The following CDKAL1 variants were observed in gnomAD, a reference collection of about 807,000 sequenced individuals.
The protein encoded by CDKAL1 is CDKAL1 threonylcarbamoyladenosine tRNA methylthiotransferase.
Under a neutral mutation model 68.2 loss-of-function variants are expected in CDKAL1, and 32 were observed. The observed-to-expected ratio is 0.47, with a 90% CI of 0.35 to 0.63. The LOEUF is 0.63. Ranked by LOEUF, CDKAL1 falls within the 30% of genes least tolerant of loss-of-function variation. The pLI, the probability that CDKAL1 is intolerant of heterozygous loss-of-function variation, is 0.00. For synonymous variants in CDKAL1, 234 were observed against 244.3 expected (o/e 0.96, Z 0.39); for missense variants, 606 against 696.7 (o/e 0.87, Z 1.47).
intron 6 of CDKAL1, among the ~76,000 whole-genome samples, chr6:20,757,605 A>AT (rs1246534251): frequency 9.9e-5 from 15 of 152,202 alleles, no homozygotes; most frequent in African/African-American, 3.4e-4. Flanking sequence ...ATAAAACTAT[A>AT]GAACAGACCT....
At chr6:20,634,153 T>C (rs762263893) in intron 4 of CDKAL1, among the ~76,000 whole-genome samples, 1 of 152,202 alleles carries the variant, frequency 6.6e-6, no homozygotes, top group Non-Finnish European at 1.5e-5. Context: ...AAAGCAGATG[T>C]TTTGGCAGTT....
At chr6:20,790,768 C>T (rs1197288519) in intron 8 of CDKAL1, among the ~76,000 whole-genome samples, 1 of 152,156 alleles carries the variant, frequency 6.6e-6, no homozygotes, top group Non-Finnish European at 1.5e-5. Context: ...ACAGGGGATG[C>T]AGGGGGTGGT....
intron 9 of CDKAL1, among the ~76,000 whole-genome samples, chr6:20,950,486 C>A (rs1328372744): frequency 6.6e-6 from 1 of 152,044 alleles, no homozygotes; most frequent in African/African-American, 2.4e-5. Flanking sequence ...ATTTAATATG[C>A]ACTGTGACCC....
At chr6:21,175,388 C>G (rs1386799662) in intron 13 of CDKAL1, among the ~76,000 whole-genome samples, 1 of 152,104 alleles carries the variant, frequency 6.6e-6, no homozygotes, top group African/African-American at 2.4e-5. Flanking sequence ...GTTAAATTTG[C>G]TTTCCAAATA....
At chr6:20,675,169 G>C (rs1354196088) in intron 5 of CDKAL1, among the ~76,000 whole-genome samples, 1 of 151,802 alleles carries the variant, frequency 6.6e-6, no homozygotes, top group Non-Finnish European at 1.5e-5. Context: ...TTTTTGAACT[G>C]TCTTTTTCTA....
At chr6:20,729,579 C>T (rs1164946828) in intron 5 of CDKAL1, among the ~76,000 whole-genome samples, 1 of 152,178 alleles carries the variant, frequency 6.6e-6, no homozygotes, top group Non-Finnish European at 1.5e-5. Context: ...GTACTTACTG[C>T]GTGGCAGCAC....
chr6:20,984,811 CGG>C (rs59755973), intron 10 of CDKAL1, among the ~76,000 whole-genome samples: 2 of 92,286 alleles, frequency 2.2e-5, no homozygotes, highest in Non-Finnish European at 4.9e-5. Context: ...GGCACAGTAA[CGG>C]GGGGGGGTGG....
At chr6:20,961,202 A>T in intron 10 of CDKAL1, among the ~76,000 whole-genome samples, 1 of 152,184 alleles carries the variant, frequency 6.6e-6, no homozygotes, top group Non-Finnish European at 1.5e-5. Context: ...ATGCCCATCC[A>T]CAGTAGACTG....
At chr6:21,016,720 C>G (rs1561964628) in intron 11 of CDKAL1, among the ~76,000 whole-genome samples, 1 of 151,932 alleles carries the variant, frequency 6.6e-6, no homozygotes, top group Non-Finnish European at 1.5e-5. Flanking sequence ...ACATCAGAAA[C>G]TTTTTTTGGA....
chr6:21,123,163 C>T (rs1487071466), intron 13 of CDKAL1, among the ~76,000 whole-genome samples: 1 of 152,118 alleles, frequency 6.6e-6, no homozygotes, highest in Non-Finnish European at 1.5e-5. Flanking sequence ...CTTTAAAACT[C>T]TGAACAGTGG....
intron 4 of CDKAL1, among the ~76,000 whole-genome samples, chr6:20,556,266 G>A (rs1328672960): frequency 6.6e-6 from 1 of 152,002 alleles, no homozygotes; most frequent in Non-Finnish European, 1.5e-5. Context: ...TAGGAAGGCC[G>A]AGGCAGGAGA....
intron 4 of CDKAL1, among the ~76,000 whole-genome samples, chr6:20,622,900 A>G (rs1767258882): frequency 6.6e-6 from 1 of 151,884 alleles, no homozygotes; most frequent in South Asian, 2.1e-4. Flanking sequence ...ATTGATTATC[A>G]TTTGCATTAG....
intron 2 of CDKAL1, among the ~76,000 whole-genome samples, chr6:20,543,042 A>C (rs1763449351): frequency 6.6e-6 from 1 of 152,202 alleles, no homozygotes; most frequent in Admixed American, 6.5e-5. Context: ...GTATGGATGT[A>C]CCACACTTTG....
intron 13 of CDKAL1, among the ~76,000 whole-genome samples, chr6:21,152,838 G>A (rs534743303): frequency 1.9e-4 from 29 of 152,314 alleles, no homozygotes; most frequent in African/African-American, 6.5e-4. Context: ...CTCCAGCCAT[G>A]TACTACGCAG....
intron 8 of CDKAL1, among the ~76,000 whole-genome samples, chr6:20,821,770 C>T (rs1777288902): frequency 6.6e-6 from 1 of 152,090 alleles, no homozygotes; most frequent in African/African-American, 2.4e-5. Context: ...TGTTCTTGTC[C>T]ATTTCTGGAA....
intron 8 of CDKAL1, among the ~76,000 whole-genome samples, chr6:20,804,879 G>A (rs1482123258): frequency 6.6e-6 from 1 of 152,106 alleles, no homozygotes; most frequent in Non-Finnish European, 1.5e-5. Flanking sequence ...CTAGTCTACT[G>A]TTTTGATAGT....
intron 9 of CDKAL1, among the ~76,000 whole-genome samples, chr6:20,952,242 G>C (rs1012255415): frequency 6.6e-6 from 1 of 152,148 alleles, no homozygotes; most frequent in Non-Finnish European, 1.5e-5. Flanking sequence ...ACAAGCATGA[G>C]CCACTGCGCC....
chr6:20,838,739 G>A (rs1229453375), intron 8 of CDKAL1, among the ~76,000 whole-genome samples: 6 of 152,076 alleles, frequency 3.9e-5, no homozygotes, highest in African/African-American at 7.2e-5. Context: ...TTGGAAGGCT[G>A]AGGTGGGCAG....
chr6:20,802,593 C>A (rs1275277012), intron 8 of CDKAL1, among the ~76,000 whole-genome samples: 2 of 151,732 alleles, frequency 1.3e-5, no homozygotes, highest in African/African-American at 2.4e-5. Flanking sequence ...TATATAAGAA[C>A]ATATATATGT....
Sources: gnomAD v4.1 joint callset for allele counts (sites outside exome capture counted in the v4.1 genomes callset) on GRCh38, gnomAD v4.1.1 for gene constraint, MANE v1.5 for transcripts, NCBI Gene and HGNC (gene_info 2026-07-23, HGNC 2026-07-21) for gene names.